Variants in FSCN1 observed in about 807,000 individuals in gnomAD.
FSCN1 encodes the protein fascin actin-bundling protein 1.
Under a neutral mutation model 39.7 loss-of-function variants are expected in FSCN1, and 10 were observed. That is an observed-to-expected ratio of 0.25 (90% confidence interval 0.16 to 0.43). The LOEUF (loss-of-function observed/expected upper bound fraction) is 0.43, where lower values mean the gene tolerates loss of function less well. Among genes scored for constraint, FSCN1 ranks in the 20% least tolerant of loss-of-function variants. The pLI is 1.00. For missense variants in FSCN1, 525 were observed against 723.8 expected (o/e 0.73, Z 3.15); for synonymous variants, 322 against 320.0 (o/e 1.01, Z -0.07).
intron 1 of FSCN1, among the ~76,000 whole-genome samples, chr7:5,598,320 G>A (rs1254855522): frequency 6.6e-6 from 1 of 152,242 alleles, no homozygotes; most frequent in Admixed American, 6.5e-5. Flanking sequence ...ACTGAGTCGT[G>A]GTACAGATGG....
At position 5,593,122 on chromosome 7, in the gene FSCN1, G is replaced by T. The variant is rs1785662498; in HGVS notation, c.186G>T (p.Leu62=). 2 of 1,604,892 alleles carry T rather than the reference G, an allele frequency of 1.2e-6. No homozygotes were observed. The highest frequency in any genetic ancestry group is 2.2e-5 in the East Asian group (1 of 44,582). The change falls in exon 1 of 5, where the codon CTG becomes CTT. Residue 62 remains leucine, a synonymous_variant. Transcript: ENST00000382361. ...AGGCGGGCAGCGCGGCCGTGTGCCT[G>T]CGCAGCCACCTGGGCCGCTACCTGG... ...PDEAGSAAVC[L]RSHLGRYLAA...
chr7:5,592,816 G>C lies in FSCN1; in HGVS notation c.-121G>C. On this transcript the variant is annotated 5_prime_UTR_variant, in exon 1 of 5. Transcript: ENST00000382361. This position sits in a 1 kb window ranked among gnomAD's most constrained non-coding sequence, Gnocchi z 5.3. ...TCCGGGGCGCCGCTAGCTGGGCTTT[G>C]TGGAGCGCTGCGGAGGGTGCGTGCG... 1.6e-6 allele frequency: 1 copy of C among 609,894 alleles called. No homozygotes were observed. The highest frequency in any genetic ancestry group is 3.1e-5 in the East Asian group (1 of 32,446). 37.8% of individuals were successfully genotyped at this position (609,894 alleles called of 1,614,324 possible).
chr7:5,605,435 G>T lies in FSCN1; in HGVS notation c.1443G>T (p.Ser481=), dbSNP rs376411605. ...ACCACGCAGGCGTCCTGAAGGCCTC[G>T]GCGGAAACCGTGGACCCCGCCTCGC... is the stretch of plus-strand genomic sequence containing the variant. ...KGDHAGVLKA[S]AETVDPASLW... The change falls in exon 5 of 5, where the codon TCG becomes TCT. Residue 481 remains serine, a synonymous_variant. Transcript: ENST00000382361. The surrounding 1 kb of genome is among the most constrained non-coding windows in gnomAD (Gnocchi z 6.9). The T allele has an allele frequency of 5.0e-6, 8 of 1,605,652 alleles. No individual in the cohort carries two copies. The highest frequency in any genetic ancestry group is 6.0e-6 in the Non-Finnish European group (7 of 1,176,422).
Position 5,592,885 on chromosome 7 carries a change from A to T in FSCN1, c.-52A>T. On this transcript the variant is annotated 5_prime_UTR_variant, in exon 1 of 5. Coordinates refer to ENST00000382361, the MANE Select transcript of FSCN1 (RefSeq NM_003088.4). This position sits in a 1 kb window ranked among gnomAD's most constrained non-coding sequence, Gnocchi z 5.3. Reference sequence around the variant, plus strand: ...AAGGAGCAGGGGCGCCGCCGCAGGGACCCGCCACCCACCTCCCGGGGCCGC... The same window carrying T: ...AAGGAGCAGGGGCGCCGCCGCAGGGTCCCGCCACCCACCTCCCGGGGCCGC... 8.6e-7 allele frequency: 1 copy of T among 1,162,612 alleles called. No individual in the cohort carries two copies. The highest frequency in any genetic ancestry group is 1.2e-6 in the Non-Finnish European group (1 of 841,594). 72.0% of individuals were successfully genotyped at this position (1,162,612 alleles called of 1,614,324 possible). A position where few individuals can be genotyped will look rare whatever the true frequency, so the allele number is the denominator to read the frequency against.
chr7:5,603,014 T>G lies in FSCN1; in HGVS notation c.833-243T>G. 5.4e-6 allele frequency: 3 copies of G among 558,708 alleles called. No homozygotes were observed. Among genetic ancestry groups the G allele is most frequent in the East Asian group, 3.1e-5 (1 of 32,748 alleles). The allele number at this position is 558,708 out of a possible 1,614,324, so 34.6% of individuals were successfully genotyped here. On this transcript the variant is annotated intron_variant, in intron 1 of 4. Transcript: ENST00000382361. The surrounding 1 kb of genome is among the most constrained non-coding windows in gnomAD (Gnocchi z 8.5). ...CATGAGCCCCTGTCCCTGGCCCCTA[T>G]TATTTCTCTAACTGGGGAAAGTCAT...
chr7:5,603,197 G>C lies in FSCN1; in HGVS notation c.833-60G>C. ...TGTAGTTCTGTGAGCTCAGGGCTAT[G>C]GTCTGCCAGAACTAGGGGGCGTGGG... On this transcript the variant is annotated intron_variant, in intron 1 of 4. Transcript: ENST00000382361. The surrounding 1 kb of genome is among the most constrained non-coding windows in gnomAD (Gnocchi z 8.5). 7.6e-6 allele frequency: 12 copies of C among 1,586,964 alleles called. No individual in the cohort carries two copies. The highest frequency in any genetic ancestry group is 1.0e-5 in the Non-Finnish European group (12 of 1,163,020).
At chr7:5,602,566 T>TA (rs982796920) in intron 1 of FSCN1, among the ~76,000 whole-genome samples, 4 of 152,238 alleles carry the variant, frequency 2.6e-5, no homozygotes, top group South Asian at 2.1e-4. Context: ...TCTGTGTTTC[T>TA]AAAAAAACGA....
At position 5,593,320 on chromosome 7, in the gene FSCN1, C is replaced by T. The variant is rs1414473739; in HGVS notation, c.384C>T (p.Pro128=). ...RLSCFAQTVS[P]AEKWSVHIAM... Reference sequence around the variant, plus strand: ...CCTGCTTCGCGCAGACGGTGTCCCCCGCCGAGAAGTGGAGCGTGCACATCG... The same window carrying T: ...CCTGCTTCGCGCAGACGGTGTCCCCTGCCGAGAAGTGGAGCGTGCACATCG... The change falls in exon 1 of 5, where the codon CCC becomes CCT. Residue 128 remains proline (P), a synonymous_variant. Coordinates refer to ENST00000382361, the MANE Select transcript of FSCN1 (RefSeq NM_003088.4). 2 of 1,611,422 alleles carry T rather than the reference C, an allele frequency of 1.2e-6. No homozygotes were observed. Among genetic ancestry groups the T allele is most frequent in the Middle Eastern group, 1.7e-4 (1 of 5,740 alleles).
chr7:5,600,225 A>G (rs1785800629), intron 1 of FSCN1, among the ~76,000 whole-genome samples: 1 of 152,110 alleles, frequency 6.6e-6, no homozygotes, highest in Admixed American at 6.5e-5. Context: ...CGGCCTGGCC[A>G]ACATAATGAA....
In FSCN1 at chr7:5,593,612, T is replaced by A; in HGVS notation, c.676T>A (p.Cys226Ser). 6.4e-7 allele frequency: 1 copy of A among 1,559,934 alleles called. No homozygotes were observed. Among genetic ancestry groups the A allele is most frequent in the Non-Finnish European group, 8.6e-7 (1 of 1,159,746 alleles). The stretch of plus-strand genomic sequence containing the variant: ...CTCCGGCAAGGTGGCCTTCCGCGAC[T>A]GCGAGGGCCGTTACCTGGCGCCGTC... ...FRSGKVAFRDCEGRYLAPSGP... is the reference protein window; with the variant it reads ...FRSGKVAFRDSEGRYLAPSGP... Residue 226 changes from cysteine to serine, a missense_variant, in exon 1 of 5, where the codon TGC (cysteine) becomes AGC (serine). Cys to Ser is a moderately radical substitution (Grantham distance 112). Transcript: ENST00000382361.
chr7:5,605,156 G>T lies in FSCN1; in HGVS notation c.1280-116G>T. On this transcript the variant is annotated intron_variant, in intron 4 of 4. Coordinates refer to ENST00000382361, the MANE Select transcript of FSCN1 (RefSeq NM_003088.4). This position sits in a 1 kb window ranked among gnomAD's most constrained non-coding sequence, Gnocchi z 6.9. ...CATAGGGACCCTGGCTCATTCCGGA[G>T]CCGGGACTGGAGGGTGGGGCGTCAC... 1.4e-6 allele frequency: 1 copy of T among 724,880 alleles called. No individual in the cohort carries two copies. 44.9% of individuals were successfully genotyped at this position (724,880 alleles called of 1,614,324 possible). A position where few individuals can be genotyped will look rare whatever the true frequency, so the allele number is the denominator to read the frequency against.
chr7:5,593,751 A>G lies in FSCN1; in HGVS notation c.815A>G (p.Asn272Ser). Residue 272 changes from asparagine (N) to serine (S), a missense_variant, in exon 1 of 5, where the codon AAC (asparagine) becomes AGC (serine). By Grantham distance (46) the Asn-to-Ser change is conservative (BLOSUM62 1). Coordinates refer to ENST00000382361, the MANE Select transcript of FSCN1 (RefSeq NM_003088.4). ...QVVLQAANER[N>S]VSTRQGMDLS... The stretch of plus-strand genomic sequence containing the variant: ...GTGCTGCAGGCGGCCAACGAGAGGA[A>G]CGTGTCCACGCGCCAGGGTGAGTGG... 1 of 1,583,722 alleles carries G rather than the reference A, an allele frequency of 6.3e-7. No homozygotes were observed. Among genetic ancestry groups the G allele is most frequent in the Non-Finnish European group, 8.5e-7 (1 of 1,171,728 alleles).
At chr7:5,604,757 T>C (rs1378165031) in intron 4 of FSCN1, among the ~76,000 whole-genome samples, 3 of 152,206 alleles carry the variant, frequency 2.0e-5, no homozygotes. Context: ...TGCCTCAGCC[T>C]CCCGAGTAGC....
At position 5,593,347 on chromosome 7, in the gene FSCN1, C is replaced by T; in HGVS notation, c.411C>T (p.Ala137=). The T allele has an allele frequency of 6.2e-7, 1 of 1,612,282 alleles. No homozygotes were observed. Among genetic ancestry groups the T allele is most frequent in the Non-Finnish European group, 8.5e-7 (1 of 1,179,752 alleles). Residue 137 remains alanine (A), a synonymous_variant, in exon 1 of 5, where the codon GCC becomes GCT. Coordinates refer to ENST00000382361, the MANE Select transcript of FSCN1 (RefSeq NM_003088.4). ...SPAEKWSVHI[A]MHPQVNIYSV... is the part of the protein sequence containing the mutation. ...CCGAGAAGTGGAGCGTGCACATCGC[C>T]ATGCACCCTCAGGTCAACATCTACA...
Position 5,593,936 on chromosome 7 carries a change from G to C in FSCN1, c.832+168G>C, listed in dbSNP as rs1360319676. ...GGCTACCCCGCCTGGAGGGGGCGAGGAGTGGGGCTTTGCCCATCCTCGGGT... is the reference window on the plus strand; with the variant it reads ...GGCTACCCCGCCTGGAGGGGGCGAGCAGTGGGGCTTTGCCCATCCTCGGGT... On this transcript the variant is annotated intron_variant, in intron 1 of 4. Coordinates refer to ENST00000382361, the MANE Select transcript of FSCN1 (RefSeq NM_003088.4). The C allele has an allele frequency of 6.9e-6, 4 of 580,162 alleles. No homozygotes were observed. The East Asian group carries it at 1.3e-4, about 18-fold the overall frequency. The allele number at this position is 580,162 out of a possible 1,614,324, so 35.9% of individuals were successfully genotyped here.
At chr7:5,598,222 C>T (rs536593791) in intron 1 of FSCN1, among the ~76,000 whole-genome samples, 1 of 152,244 alleles carries the variant, frequency 6.6e-6, no homozygotes, top group East Asian at 1.9e-4. Flanking sequence ...TCCAAGGGTG[C>T]CTGGCCCCCC....
intron 1 of FSCN1, among the ~76,000 whole-genome samples, chr7:5,595,696 G>C (rs550117692): frequency 6.6e-6 from 1 of 152,186 alleles, no homozygotes; most frequent in Non-Finnish European, 1.5e-5. Context: ...AGAAAGCCCA[G>C]TGTGGCTGGG....
intron 1 of FSCN1, 51 bp downstream of exon 1, chr7:5,593,819 C>T: frequency 2.5e-6 from 3 of 1,215,136 alleles, no homozygotes; most frequent in Non-Finnish European, 3.4e-6. Context: ...CAAAGCGCAC[C>T]CCACCCGCGC....
In FSCN1 at chr7:5,593,710, G is replaced by A; in HGVS notation, c.774G>A (p.Gln258=). 1.3e-6 allele frequency: 2 copies of A among 1,594,272 alleles called. No homozygotes were observed. The highest frequency in any genetic ancestry group is 1.7e-6 in the Non-Finnish European group (2 of 1,176,828). The part of the protein sequence containing the change: ...VGKDELFALE[Q]SCAQVVLQAA... ...AGGACGAGCTCTTTGCTCTGGAGCA[G>A]AGCTGCGCCCAGGTCGTGCTGCAGG... Residue 258 remains glutamine (Q), a synonymous_variant, in exon 1 of 5, where the codon CAG becomes CAA. Coordinates refer to ENST00000382361, the MANE Select transcript of FSCN1 (RefSeq NM_003088.4).
Sources: gnomAD v4.1 joint callset for allele counts (sites outside exome capture counted in the v4.1 genomes callset) on GRCh38, gnomAD v4.1.1 for gene constraint, Gnocchi (gnomAD v3.1) non-coding constraint, MANE v1.5 for transcripts, NCBI Gene and HGNC (gene_info 2026-07-23, HGNC 2026-07-21) for gene names.